The following RND3 variants were observed in gnomAD, a reference collection of about 807,000 sequenced individuals.
The protein encoded by RND3 is Rho family GTPase 3, also known as rho-related GTP-binding protein RhoE.
Under a neutral mutation model 26.5 loss-of-function variants are expected in RND3, and 8 were observed. That is an observed-to-expected ratio of 0.30 (90% CI 0.18 to 0.54). The LOEUF (loss-of-function observed/expected upper bound fraction) is 0.54, where lower values mean the gene tolerates loss of function less well. Ranked by LOEUF, RND3 falls within the 20% of genes least tolerant of loss-of-function variation. RND3 has a pLI of 0.94. For synonymous variants in RND3, 113 were observed against 113.0 expected (o/e 1.00, Z 0.00); for missense variants, 207 against 302.8 (o/e 0.68, Z 2.35).
chr2:150,475,766 G>A (rs775483603), intron 3 of RND3, among the ~76,000 whole-genome samples: 6 of 152,142 alleles, frequency 3.9e-5, no homozygotes, highest in Admixed American at 6.5e-5. Context: ...AATAAATGTC[G>A]TATAGGATCA....
At chr2:150,470,751 C>T (rs1401688924) in intron 5 of RND3, among the ~76,000 whole-genome samples, 2 of 152,238 alleles carry the variant, frequency 1.3e-5, no homozygotes, top group East Asian at 3.9e-4. Flanking sequence ...CAGCTCTGGC[C>T]GTGGCGATGT....
Position 150,470,207 on chromosome 2 carries a change from G to T in RND3, c.515C>A (p.Ala172Asp), listed in dbSNP as rs200146323. 1.0e-4 allele frequency: 162 copies of T among 1,613,744 alleles called. No individual in the cohort carries two copies. Among genetic ancestry groups the T allele is most frequent in the Non-Finnish European group, 1.3e-4 (156 of 1,179,916 alleles). The change falls in exon 6 of 6, where the codon GCT (alanine) becomes GAT (aspartate). Residue 172 changes from alanine to aspartate, a missense_variant. Ala to Asp is a moderately radical substitution (Grantham distance 126). Transcript: ENST00000263895. ...GANMAKQIGA[A>D]TYIECSALQS... ...TAAAGCTGAGCATTCGATATAAGTA[G>T]CTGCTCCAATCTGTTTGGCCATATT...
chr2:150,479,981 T>C (rs1264583138), intron 3 of RND3, among the ~76,000 whole-genome samples: 1 of 152,190 alleles, frequency 6.6e-6, no homozygotes, highest in Non-Finnish European at 1.5e-5. Context: ...CTGGGGGCAA[T>C]GTAGATACAA....
intron 3 of RND3, among the ~76,000 whole-genome samples, chr2:150,483,368 T>C (rs1346685079): frequency 6.6e-6 from 1 of 152,192 alleles, no homozygotes; most frequent in East Asian, 1.9e-4. Flanking sequence ...TCTCTCCCTA[T>C]ATAAGAGCAG....
Position 150,471,671 on chromosome 2 carries a change from C to A in RND3, c.439G>T (p.Val147Leu), listed in dbSNP as rs775841994. Reference protein sequence around the residue: ...SDLRTDVSTLVELSNHRQTPV... With the variant: ...SDLRTDVSTLLELSNHRQTPV... ...GTCTGCCTGTGATTGGAGAGCTCTA[C>A]TAATGTACTAACATCTGTCCGCAGA... is the stretch of plus-strand genomic sequence containing the variant. The change falls in exon 5 of 6, where the codon GTA becomes TTA. Residue 147 changes from valine (V) to leucine (L), a missense_variant. Val to Leu is a conservative substitution (Grantham distance 32). Coordinates refer to ENST00000263895, the MANE Select transcript of RND3 (RefSeq NM_005168.5). 1 of 1,613,456 alleles carries A rather than the reference C, an allele frequency of 6.2e-7. No individual in the cohort carries two copies. The highest frequency in any genetic ancestry group is 1.1e-5 in the South Asian group (1 of 91,020).
Position 150,486,617 on chromosome 2 carries a change from G to A in RND3, c.238+77C>T. 2.9e-6 allele frequency: 3 copies of A among 1,017,102 alleles called. No homozygotes were observed. Among genetic ancestry groups the A allele is most frequent in the South Asian group, 2.5e-5 (2 of 79,200 alleles). 63.0% of individuals were successfully genotyped at this position (1,017,102 alleles called of 1,614,324 possible). A position where few individuals can be genotyped will look rare whatever the true frequency, so the allele number is the denominator to read the frequency against. On this transcript the variant is annotated intron_variant, in intron 3 of 5. Transcript: ENST00000263895. This position sits in a 1 kb window ranked among gnomAD's most constrained non-coding sequence, Gnocchi z 4.5. ...GGGGCGCAGACGGCTTGTAGCGCGC[G>A]GTTTCCCGAGACCCGCCGCGCATCC...
Position 150,470,109 on chromosome 2 carries a change from C to A in RND3, c.613G>T (p.Val205Phe). 6.2e-7 allele frequency: 1 copy of A among 1,614,024 alleles called. No homozygotes were observed. The highest frequency in any genetic ancestry group is 2.2e-5 in the East Asian group (1 of 44,862). ...GCTCTCTGTGATTTGTTCCGCTTAA[C>A]GTTTTTATTTGTCTTATTTACACAT... ...LACVNKTNKN[V>F]KRNKSQRATK... Residue 205 changes from valine to phenylalanine, a missense_variant, in exon 6 of 6, where the codon GTT becomes TTT. By Grantham distance (50) the Val-to-Phe change is conservative. Coordinates refer to ENST00000263895, the MANE Select transcript of RND3 (RefSeq NM_005168.5).
chr2:150,469,581 T>C lies in RND3; in HGVS notation c.*406A>G, dbSNP rs1203101107. On this transcript the variant is annotated 3_prime_UTR_variant, in exon 6 of 6. Transcript: ENST00000263895. The stretch of plus-strand genomic sequence containing the variant: ...GGACGGTATATTAACGTATACTTTT[T>C]GTAAAGGAGATTAAAACATTTAAAA... 1 of 169,408 alleles carries C rather than the reference T, an allele frequency of 5.9e-6. No individual in the cohort carries two copies. The highest frequency in any genetic ancestry group is 1.3e-5 in the Non-Finnish European group (1 of 79,018). The allele number at this position is 169,408 out of a possible 1,614,324, so 10.5% of individuals were successfully genotyped here. A position where few individuals can be genotyped will look rare whatever the true frequency, so the allele number is the denominator to read the frequency against.
chr2:150,476,927 T>C (rs768710552), intron 3 of RND3, among the ~76,000 whole-genome samples: 4 of 152,210 alleles, frequency 2.6e-5, no homozygotes, highest in Non-Finnish European at 5.9e-5. Flanking sequence ...GAACCTTTCC[T>C]GTTTCTGTGT....
In RND3 at chr2:150,471,648, C is replaced by A. The variant is rs1489304179; in HGVS notation, c.462G>T (p.Gln154His). Reference protein sequence around the residue: ...STLVELSNHRQTPVSYDQGAN... With the variant: ...STLVELSNHRHTPVSYDQGAN... ...ATACCTGGTCATAGGACACTGGCGT[C>A]TGCCTGTGATTGGAGAGCTCTACTA... The change falls in exon 5 of 6, where the codon CAG becomes CAT. Residue 154 changes from glutamine to histidine, a missense_variant. Coordinates refer to ENST00000263895, the MANE Select transcript of RND3 (RefSeq NM_005168.5). The A allele has an allele frequency of 4.3e-6, 7 of 1,612,428 alleles. No homozygotes were observed. The highest frequency in any genetic ancestry group is 5.9e-6 in the Non-Finnish European group (7 of 1,179,286).
At chr2:150,480,631 G>GA (rs974454577) in intron 3 of RND3, among the ~76,000 whole-genome samples, 3 of 147,272 alleles carry the variant, frequency 2.0e-5, no homozygotes, top group South Asian at 2.2e-4. Flanking sequence ...AACCAGATTG[G>GA]AAAAAAAACA....
intron 3 of RND3, among the ~76,000 whole-genome samples, chr2:150,483,105 T>C (rs994195147): frequency 1.3e-5 from 2 of 151,614 alleles, no homozygotes; most frequent in African/African-American, 4.8e-5. Flanking sequence ...CAGGAAATTA[T>C]TTTTTTTTCT....
rs1209384148 is a variant in RND3, at chr2:150,487,474, AATATAT to A, written c.-38-25_-38-20del. The A allele has an allele frequency of 5.1e-6, 1 of 195,420 alleles. No individual in the cohort carries two copies. Among genetic ancestry groups the A allele is most frequent in the Non-Finnish European group, 8.9e-6 (1 of 112,126 alleles). The allele number at this position is 195,420 out of a possible 1,614,324, so 12.1% of individuals were successfully genotyped here. ...ATTTTCTCTTAAGAAGAAAAAAAAA[AATATAT>A]ATATATATATATATTTCTCTCTTTA... On this transcript the variant is annotated intron_variant, in intron 1 of 5. Transcript: ENST00000263895.
At chr2:150,470,930 G>A (rs1303485168) in intron 5 of RND3, among the ~76,000 whole-genome samples, 1 of 152,186 alleles carries the variant, frequency 6.6e-6, no homozygotes, top group African/African-American at 2.4e-5. Flanking sequence ...GGGCCGAAAT[G>A]CGTTGAGGAA....
At chr2:150,483,260 TAA>T (rs1223828135) in intron 3 of RND3, among the ~76,000 whole-genome samples, 1 of 150,578 alleles carries the variant, frequency 6.6e-6, no homozygotes, top group African/African-American at 2.5e-5. Context: ...AGAGGCCAGA[TAA>T]GAGAGGAACT....
At chr2:150,472,139 C>T (rs1401036672) in intron 4 of RND3, among the ~76,000 whole-genome samples, 5 of 152,130 alleles carry the variant, frequency 3.3e-5, no homozygotes, top group East Asian at 1.9e-4. Context: ...CCACATCCTT[C>T]GATGTGTGGA....
At chr2:150,472,073 G>T (rs1487820257) in intron 4 of RND3, 2 of 284,056 alleles carry the variant, frequency 7.0e-6, no homozygotes, top group Admixed American at 4.9e-5. Context: ...TTAATTATTG[G>T]TGTGTCTCTT....
At position 150,469,876 on chromosome 2, in the gene RND3, A is replaced by C. The variant is rs1686053780; in HGVS notation, c.*111T>G. The C allele has an allele frequency of 5.5e-6, 7 of 1,282,722 alleles. No individual in the cohort carries two copies. The highest frequency in any genetic ancestry group is 2.2e-4 in the Middle Eastern group (1 of 4,574). 79.5% of individuals were successfully genotyped at this position (1,282,722 alleles called of 1,614,324 possible). On this transcript the variant is annotated 3_prime_UTR_variant, in exon 6 of 6. Transcript: ENST00000263895. ...TGAGTATCCTCTCAAACGCCTCCTA[A>C]GCCTCTGGTATACATGACTTTGGCT... is the stretch of plus-strand genomic sequence containing the variant.
intron 2 of RND3, 101 bp downstream of exon 2, chr2:150,487,167 T>C (rs1193655895): frequency 1.2e-5 from 11 of 896,852 alleles, no homozygotes; most frequent in East Asian, 5.8e-5. Flanking sequence ...TTTCTTTTTT[T>C]TTTTTTTTAA....
Sources: gnomAD v4.1 joint callset for allele counts (sites outside exome capture counted in the v4.1 genomes callset) on GRCh38, gnomAD v4.1.1 for gene constraint, Gnocchi (gnomAD v3.1) non-coding constraint, MANE v1.5 for transcripts, NCBI Gene and HGNC (gene_info 2026-07-23, HGNC 2026-07-21) for gene names.